PPP1R12B: variants seen among roughly 807,000 people sequenced by gnomAD.
PPP1R12B encodes myosin phosphatase target subunit 2.
Under a neutral mutation model 126.1 loss-of-function variants are expected in PPP1R12B, and 76 were observed. The ratio of observed to expected loss-of-function variants is 0.60; its 90% CI spans 0.50 to 0.73. The LOEUF is 0.73. Ranked by LOEUF, PPP1R12B falls within the 30% of genes least tolerant of loss-of-function variation. PPP1R12B has a pLI of 0.00. For missense variants in PPP1R12B, 1,052 were observed against 1,205.1 expected (o/e 0.87, Z 1.88); for synonymous variants, 356 against 434.7 (o/e 0.82, Z 2.25).
chr1:202,367,580 C>A (rs1659459731), intron 1 of PPP1R12B, among the ~76,000 whole-genome samples: 1 of 152,178 alleles, frequency 6.6e-6, no homozygotes, highest in Admixed American at 6.6e-5. Flanking sequence ...GGCCTCACAT[C>A]TGTTTTTCCT....
chr1:202,548,796 CTCTCTCTCTCTCTATATA>C (rs1293025926), intron 18 of PPP1R12B, among the ~76,000 whole-genome samples: 12 of 113,380 alleles, frequency 1.1e-4, no homozygotes, highest in Admixed American at 6.9e-4. Flanking sequence ...CTCTCTCTCT[CTCTCTCTCTCTCTATATA>C]TATATATATA....
chr1:202,457,951 A>G (rs1174665265), intron 13 of PPP1R12B, among the ~76,000 whole-genome samples: 2 of 152,174 alleles, frequency 1.3e-5, no homozygotes, highest in African/African-American at 4.8e-5. Context: ...GGAAAAAAAA[A>G]AAAGTATTCT....
chr1:202,553,802 A>G (rs1686587869), intron 18 of PPP1R12B, among the ~76,000 whole-genome samples: 1 of 151,928 alleles, frequency 6.6e-6, no homozygotes, highest in African/African-American at 2.4e-5. Context: ...TTCAGTGTTC[A>G]TTTCCCTACC....
intron 1 of PPP1R12B, chr1:202,409,988 G>T (rs2148594383): frequency 1.3e-5 from 2 of 152,188 alleles, no homozygotes; most frequent in South Asian, 4.1e-4. Context: ...TTTGAATCAG[G>T]TTGTTTATTT....
chr1:202,567,374 A>G (rs1688144135), intron 21 of PPP1R12B: 1 of 146,664 alleles, frequency 6.8e-6, no homozygotes, highest in African/African-American at 2.5e-5. Context: ...CCTTTTAAAG[A>G]AAAGCCTTTT....
At chr1:202,375,246 T>C (rs1660988486) in intron 1 of PPP1R12B, among the ~76,000 whole-genome samples, 2 of 152,202 alleles carry the variant, frequency 1.3e-5, no homozygotes, top group Admixed American at 1.3e-4. Context: ...ATCTGGCCTC[T>C]CAAACTATTT....
At chr1:202,356,493 A>C (rs1392100622) in intron 1 of PPP1R12B, among the ~76,000 whole-genome samples, 2 of 152,178 alleles carry the variant, frequency 1.3e-5, no homozygotes, top group Non-Finnish European at 2.9e-5. Flanking sequence ...ACATGTAAAT[A>C]TGTTACCTTA....
At chr1:202,369,928 T>TG (rs1050706077) in intron 1 of PPP1R12B, 1 of 156,260 alleles carries the variant, frequency 6.4e-6, no homozygotes, top group African/African-American at 2.4e-5. Context: ...CCCGAGTAGC[T>TG]GGGGCTACAG....
intron 13 of PPP1R12B, among the ~76,000 whole-genome samples, chr1:202,473,592 C>T (rs1199942876): frequency 6.6e-6 from 1 of 152,232 alleles, no homozygotes. Flanking sequence ...TTCTCTCTTT[C>T]ACCTCCCTGT....
At chr1:202,393,538 C>G (rs530690288) in intron 1 of PPP1R12B, among the ~76,000 whole-genome samples, 7 of 151,756 alleles carry the variant, frequency 4.6e-5, no homozygotes, top group Non-Finnish European at 1.0e-4. Flanking sequence ...ATGGGCAAAG[C>G]CTTTTCAGAA....
intron 23 of PPP1R12B, chr1:202,576,835 A>AC (rs1689139185): frequency 6.6e-6 from 1 of 152,038 alleles, no homozygotes; most frequent in South Asian, 2.1e-4. Flanking sequence ...GAAAAAAAAA[A>AC]AACTGAGTCA....
chr1:202,394,838 T>C (rs1664709528), intron 1 of PPP1R12B, among the ~76,000 whole-genome samples: 1 of 151,720 alleles, frequency 6.6e-6, no homozygotes. Context: ...GAAAATCAAT[T>C]TGGGCTGGAC....
rs1191830430 is a variant in PPP1R12B at position 202,588,850 on chromosome 1, G to GATAGATAGATAA, written c.*8301_*8302insAATAGATAGATA. ...AGATAGATAGATAGATAGATAGATA[G>GATAGATAGATAA]ATAGATAGATAGATAGATAGATATC... On this transcript the variant is annotated 3_prime_UTR_variant, in exon 24 of 24. Transcript: ENST00000608999. The GATAGATAGATAA allele has an allele frequency of 6.9e-6, 1 of 145,074 alleles. No homozygotes were observed. Among genetic ancestry groups the GATAGATAGATAA allele is most frequent in the South Asian group, 2.1e-4 (1 of 4,754 alleles). The allele number at this position is 145,074 out of a possible 1,614,324, so 9.0% of individuals were successfully genotyped here. A position where few individuals can be genotyped will look rare whatever the true frequency, so the allele number is the denominator to read the frequency against.
At chr1:202,505,398 T>C (rs182098404) in intron 18 of PPP1R12B, among the ~76,000 whole-genome samples, 54 of 152,312 alleles carry the variant, frequency 3.5e-4, no homozygotes, top group Non-Finnish European at 5.6e-4. Flanking sequence ...ATAGCAGCCC[T>C]TTTTCTCCAA....
At chr1:202,391,176 A>C (rs1372653099) in intron 1 of PPP1R12B, among the ~76,000 whole-genome samples, 1 of 150,766 alleles carries the variant, frequency 6.6e-6, no homozygotes, top group Non-Finnish European at 1.5e-5. Context: ...TAAATAAATA[A>C]CTTAATAATA....
chr1:202,501,043 T>C (rs1291530392), intron 18 of PPP1R12B, among the ~76,000 whole-genome samples: 1 of 152,212 alleles, frequency 6.6e-6, no homozygotes, highest in Non-Finnish European at 1.5e-5. Flanking sequence ...TATGTAAAAT[T>C]GACATCTTAG....
At chr1:202,440,072 G>A (rs528972740) in intron 10 of PPP1R12B, 94 of 153,574 alleles carry the variant, frequency 6.1e-4, no homozygotes, top group African/African-American at 2.0e-3. Context: ...TATGGAAAAT[G>A]TGGTTAGGCT....
At position 202,580,923 on chromosome 1, in the gene PPP1R12B, A is replaced by C; in HGVS notation, c.*363A>C. On this transcript the variant is annotated 3_prime_UTR_variant, in exon 24 of 24. Coordinates refer to ENST00000608999, the MANE Select transcript of PPP1R12B (RefSeq NM_002481.4). ...TCCAAACATGTAAGACTTCTACCCT[A>C]ATCAGTATCCTTCAGCTTTTTACAT... is the stretch of plus-strand genomic sequence containing the variant. 1 of 212,622 alleles carries C rather than the reference A, an allele frequency of 4.7e-6. No homozygotes were observed. The highest frequency in any genetic ancestry group is 1.0e-4 in the East Asian group (1 of 9,874). 13.2% of individuals were successfully genotyped at this position (212,622 alleles called of 1,614,324 possible).
At chr1:202,479,002 G>A (rs1312448605) in intron 13 of PPP1R12B, among the ~76,000 whole-genome samples, 1 of 152,178 alleles carries the variant, frequency 6.6e-6, no homozygotes, top group Non-Finnish European at 1.5e-5. Context: ...TGTTTTGCAG[G>A]TAGAAATAAC....
Sources: gnomAD v4.1 joint callset for allele counts (sites outside exome capture counted in the v4.1 genomes callset) on GRCh38, gnomAD v4.1.1 for gene constraint, MANE v1.5 for transcripts, NCBI Gene and HGNC (gene_info 2026-07-23, HGNC 2026-07-21) for gene names.